The following ZC3H11A variants were observed in gnomAD, a reference collection of about 807,000 sequenced individuals.
ZC3H11A encodes the protein zinc finger CCCH-type containing 11A.
In ZC3H11A, 22 loss-of-function variants were observed where a neutral mutation model predicts 90.8. The ratio of observed to expected loss-of-function variants is 0.24; its 90% confidence interval spans 0.17 to 0.35. The LOEUF (loss-of-function observed/expected upper bound fraction) is 0.35. Ranked by LOEUF, ZC3H11A falls within the 10% of genes least tolerant of loss-of-function variation. The pLI is 1.00. For missense variants in ZC3H11A, 701 were observed against 964.9 expected (o/e 0.73, Z 3.62); for synonymous variants, 294 against 339.8 (o/e 0.87, Z 1.48).
chr1:203,807,921 G>T (rs6593960), intron 2 of ZC3H11A, among the ~76,000 whole-genome samples: 149,121 of 152,070 alleles, frequency 0.98, 73,186 homozygotes, highest in East Asian at 1. Flanking sequence ...TTTTAATTTA[G>T]TGTAGAAACT....
At chr1:203,826,755 A>G (rs1680649701) in intron 4 of ZC3H11A, among the ~76,000 whole-genome samples, 1 of 152,200 alleles carries the variant, frequency 6.6e-6, no homozygotes, top group East Asian at 1.9e-4. Context: ...ATTCGACATA[A>G]TGCAGTTCAT....
chr1:203,851,279 G>A (rs1021351326), intron 17 of ZC3H11A, among the ~76,000 whole-genome samples, 155 bp downstream of exon 17: 1 of 152,156 alleles, frequency 6.6e-6, no homozygotes, highest in Admixed American at 6.5e-5. Flanking sequence ...TAGGGTTGCT[G>A]TTCTTCTTTG....
intron 13 of ZC3H11A, among the ~76,000 whole-genome samples, chr1:203,847,922 C>T (rs1688319257): frequency 6.6e-6 from 1 of 152,156 alleles, no homozygotes; most frequent in Non-Finnish European, 1.5e-5. Context: ...GTGGCATGAC[C>T]TTGGCTCACT....
chr1:203,849,963 G>A lies in ZC3H11A; in HGVS notation c.1876G>A (p.Gly626Arg), dbSNP rs760902650. 3.1e-6 allele frequency: 5 copies of A among 1,614,142 alleles called. No homozygotes were observed. Among genetic ancestry groups the A allele is most frequent in the Admixed American group, 3.3e-5 (2 of 60,014 alleles). Reference sequence around the variant, plus strand: ...CCAGAAGGTGGAGGTAGAAACCTCAGGGATTGGAGACTCATTATTGAATGT... The same window carrying A: ...CCAGAAGGTGGAGGTAGAAACCTCAAGGATTGGAGACTCATTATTGAATGT... ...SSQKVEVETS[G>R]IGDSLLNVKC... Residue 626 changes from glycine (G) to arginine (R), a missense_variant, in exon 15 of 18, where the codon GGG (glycine) becomes AGG (arginine). Gly to Arg is a moderately radical substitution (Grantham distance 125). Coordinates refer to ENST00000367210, the MANE Select transcript of ZC3H11A (RefSeq NM_001376342.1).
chr1:203,829,391 T>G (rs1681548504), intron 5 of ZC3H11A, 60 bp from the exon 6 acceptor site: 1 of 1,574,258 alleles, frequency 6.4e-7, no homozygotes, highest in East Asian at 2.2e-5. Flanking sequence ...GGTCAGGAAT[T>G]TTTGGTAAGT....
chr1:203,835,392 C>T (rs1558130193), intron 10 of ZC3H11A, among the ~76,000 whole-genome samples: 1 of 152,144 alleles, frequency 6.6e-6, no homozygotes, highest in African/African-American at 2.4e-5. Context: ...CAGATGAATA[C>T]ATTACACGTT....
intron 1 of ZC3H11A, chr1:203,800,352 C>A: frequency 1.1e-6 from 1 of 929,490 alleles, no homozygotes; most frequent in Non-Finnish European, 1.7e-6. Context: ...ACTGATGTTT[C>A]TGAAAATGAA....
intron 2 of ZC3H11A, among the ~76,000 whole-genome samples, chr1:203,804,644 G>A (rs1393366394): frequency 2.0e-5 from 3 of 150,700 alleles, no homozygotes; most frequent in Admixed American, 6.6e-5. Flanking sequence ...GTAATCTGCA[G>A]GTTCTGGATT....
In ZC3H11A at chr1:203,833,618, G is replaced by GTTTTTTT. The variant is rs553171669; in HGVS notation, c.812-161_812-155dup. Among the ~76,000 whole-genome samples, 586 of 124,690 alleles carry GTTTTTTT rather than the reference G, an allele frequency of 4.7e-3. 9 individuals carry two copies. Among genetic ancestry groups the GTTTTTTT allele is most frequent in the South Asian group, 0.019 (74 of 3,844 alleles). 81.8% of individuals were successfully genotyped at this position (124,690 alleles called of 152,430 possible). On this transcript the variant is annotated intron_variant, in intron 9 of 17. Transcript: ENST00000367210. ...GGCTGTTTATTATTAATAGGTTTGG[G>GTTTTTTT]TTTTTTTTTTTTTTTTTTGATATAA...
At chr1:203,829,302 C>T (rs1273295696) in intron 5 of ZC3H11A, 149 bp from the exon 6 acceptor site, 6 of 752,132 alleles carry the variant, frequency 8.0e-6, no homozygotes, top group African/African-American at 3.5e-5. Flanking sequence ...CATCTTTTCC[C>T]TCCCTGGGAC....
chr1:203,806,030 T>C, intron 2 of ZC3H11A: 1 of 541,992 alleles, frequency 1.8e-6, no homozygotes, highest in South Asian at 1.6e-5. Context: ...TGGGTGCGAT[T>C]GTCCTGCTGC....
chr1:203,816,309 CATACATAT>C (rs957017158), intron 2 of ZC3H11A, among the ~76,000 whole-genome samples: 1 of 152,060 alleles, frequency 6.6e-6, no homozygotes, highest in African/African-American at 2.4e-5. Flanking sequence ...TACATATATA[CATACATAT>C]ATACATATAT....
At chr1:203,830,925 A>ATTTTATTTTTTTT (rs1682066696) in intron 8 of ZC3H11A, among the ~76,000 whole-genome samples, 1 of 51,350 alleles carries the variant, frequency 1.9e-5, no homozygotes, top group Admixed American at 2.9e-4. Context: ...CCAACCCCCA[A>ATTTTATTTTTTTT]TTTTTTTTTT....
intron 2 of ZC3H11A, among the ~76,000 whole-genome samples, chr1:203,815,503 G>A (rs1309704088): frequency 2.0e-5 from 3 of 151,630 alleles, no homozygotes; most frequent in Non-Finnish European, 4.4e-5. Context: ...ATAGGTATGA[G>A]CCACTGCACC....
intron 2 of ZC3H11A, among the ~76,000 whole-genome samples, chr1:203,804,075 T>G (rs1258216605): frequency 6.6e-6 from 1 of 152,104 alleles, no homozygotes; most frequent in African/African-American, 2.4e-5. Flanking sequence ...TGTGCCTTAG[T>G]AGTTTCATAG....
chr1:203,852,023 A>T (rs2103483217), intron 17 of ZC3H11A, 118 bp from the exon 18 acceptor site: 1 of 596,676 alleles, frequency 1.7e-6, no homozygotes, highest in Non-Finnish European at 2.8e-6. Flanking sequence ...TAAAAGAATT[A>T]TTTCTTTATG....
intron 1 of ZC3H11A, chr1:203,797,133 G>A (rs1668791437): frequency 6.3e-6 from 1 of 157,626 alleles, no homozygotes; most frequent in African/African-American, 2.4e-5. Context: ...GGCATTTCAA[G>A]TAGATATAGT....
At chr1:203,808,681 A>G (rs940549512) in intron 2 of ZC3H11A, among the ~76,000 whole-genome samples, 4 of 152,016 alleles carry the variant, frequency 2.6e-5, no homozygotes, top group African/African-American at 9.7e-5. Flanking sequence ...ATCTCTTGTA[A>G]TTCAGTTATT....
intron 11 of ZC3H11A, among the ~76,000 whole-genome samples, 158 bp downstream of exon 11, chr1:203,838,222 T>A (rs1684976192): frequency 6.6e-6 from 1 of 152,250 alleles, no homozygotes; most frequent in Non-Finnish European, 1.5e-5. Context: ...CTTAGTCTGC[T>A]AGATTCTGGG....
Sources: gnomAD v4.1 joint callset for allele counts (sites outside exome capture counted in the v4.1 genomes callset) on GRCh38, gnomAD v4.1.1 for gene constraint, MANE v1.5 for transcripts, NCBI Gene and HGNC (gene_info 2026-07-23, HGNC 2026-07-21) for gene names.